The following TOGARAM2 variants were observed in gnomAD, a reference collection of about 807,000 sequenced individuals.
TOGARAM2 encodes TOG array regulator of axonemal microtubules 2.
A neutral mutation model predicts 93.3 loss-of-function variants in TOGARAM2; 85 were observed. That is an observed-to-expected ratio of 0.91 (90% CI 0.76 to 1.09). TOGARAM2 has a LOEUF of 1.09. Among genes scored for constraint, TOGARAM2 ranks in the 50% least tolerant of loss-of-function variants. TOGARAM2 has a pLI of 0.00. For synonymous variants in TOGARAM2, 593 were observed against 552.8 expected, an observed-to-expected ratio of 1.07 and a Z score of -1.02; for missense variants, 1,277 against 1,334.5, an observed-to-expected ratio of 0.96 and a Z score of 0.67.
chr2:29,003,662 C>T lies in TOGARAM2; in HGVS notation c.810C>T (p.Gly270=). 1 of 1,558,278 alleles carries T rather than the reference C, an allele frequency of 6.4e-7. No individual in the cohort carries two copies. The highest frequency in any genetic ancestry group is 8.7e-7 in the Non-Finnish European group (1 of 1,155,152). Residue 270 remains glycine, a synonymous_variant, in exon 6 of 20, where the codon GGC becomes GGT. Transcript: ENST00000379558. The stretch of plus-strand genomic sequence containing the variant: ...CTCCAGGCCAGGGAGTCCTCACAGG[C>T]CTGAGGGCCCCACGCACGCGGTAAG... ...PLPPGQGVLT[G]LRAPRTRLAR...
At chr2:29,018,535 C>T (rs190643255) in intron 10 of TOGARAM2, 1 of 151,542 alleles carries the variant, frequency 6.6e-6, no homozygotes, top group East Asian at 1.9e-4. Context: ...GATTTTGCTA[C>T]TGAAAAAAAC....
At chr2:29,022,971 C>T (rs1665058973) in intron 11 of TOGARAM2, 115 bp from the exon 12 acceptor site, 1 of 834,632 alleles carries the variant, frequency 1.2e-6, no homozygotes. Flanking sequence ...GAATGGCACC[C>T]TGCTGCGGGT....
rs554105622 is a variant in TOGARAM2, at chr2:28,958,841, A to G, written c.-147+2144A>G. Among the ~76,000 whole-genome samples the G allele has an allele frequency of 2.0e-5, 3 of 152,288 alleles. 1 individual carries two copies. The highest frequency in any genetic ancestry group is 4.1e-4 in the South Asian group (2 of 4,826). The stretch of plus-strand genomic sequence containing the variant: ...CTTTGTGCAAATTTCTTTTTATCCC[A>G]GCCTTCTGGGAGAGCAGTTGGTTCT... On this transcript the variant is annotated intron_variant, in intron 1 of 6. Transcript: ENST00000401723.
chr2:29,027,051 C>A, intron 14 of TOGARAM2, 40 bp downstream of exon 14: 3 of 1,515,292 alleles, frequency 2.0e-6, no homozygotes, highest in Non-Finnish European at 2.7e-6. Context: ...AGAAGGCAAC[C>A]AACCAGCCAG....
At position 28,970,062 on chromosome 2, in the gene TOGARAM2, TG is replaced by T. The variant is rs1374828672; in HGVS notation, c.-147+13367del. ...TCTTGACCTCGTGATCCGCCCGCCT[TG>T]GCCTCCCAAAGTGCTAGGATTACAG... On this transcript the variant is annotated intron_variant, in intron 1 of 6. Coordinates refer to the TOGARAM2 transcript ENST00000401723. 2.0e-5 allele frequency among the ~76,000 whole-genome samples: 3 copies of T among 152,156 alleles called. No individual in the cohort carries two copies. In the South Asian group the frequency reaches 6.2e-4, roughly 32 times the overall value.
chr2:28,991,000 GT>G (rs1672702664), intron 1 of TOGARAM2, among the ~76,000 whole-genome samples: 2 of 81,740 alleles, frequency 2.4e-5, no homozygotes, highest in Non-Finnish European at 6.5e-5. Flanking sequence ...GGGTGTGTGT[GT>G]GTGTGTGTGT....
At chr2:29,047,240 T>A (rs1297645198) in intron 19 of TOGARAM2, 1 of 152,370 alleles carries the variant, frequency 6.6e-6, no homozygotes, top group Admixed American at 6.5e-5. Context: ...GGTATGTAAG[T>A]AAGATGGTCC....
At chr2:28,977,274 T>C (rs1672051605), upstream of TOGARAM2, among the ~76,000 whole-genome samples, 1 of 152,178 alleles carries the variant, frequency 6.6e-6, no homozygotes, top group African/African-American at 2.4e-5. Context: ...TAACCATCTT[T>C]AGCCTGGGGG....
At chr2:29,045,735 T>G (rs1666705867) in intron 19 of TOGARAM2, 1 of 340,906 alleles carries the variant, frequency 2.9e-6, no homozygotes. Flanking sequence ...TAAAAGAAAA[T>G]GTACATTGGG....
chr2:28,965,870 T>C (rs1207920969), intron 1 of TOGARAM2, among the ~76,000 whole-genome samples: 4 of 152,200 alleles, frequency 2.6e-5, no homozygotes, highest in African/African-American at 9.7e-5. Flanking sequence ...CCTTGCTTCC[T>C]CTGTTACCCT....
rs1665694434 is a variant in TOGARAM2, at chr2:29,030,393, A to G, written c.2013-2541A>G. On this transcript the variant is annotated intron_variant, in intron 14 of 19. Coordinates refer to ENST00000379558, the MANE Select transcript of TOGARAM2 (RefSeq NM_199280.4). Reference sequence around the variant, plus strand: ...TGGGATGAAATGTCTATAAACAGCTATTCTTTGTGTAGCATCTACTAGAGC... The same window carrying G: ...TGGGATGAAATGTCTATAAACAGCTGTTCTTTGTGTAGCATCTACTAGAGC... Among the ~76,000 whole-genome samples the G allele has an allele frequency of 2.0e-5, 3 of 152,246 alleles. No individual in the cohort carries two copies. The South Asian group carries it at 6.2e-4, about 32-fold the overall frequency.
chr2:28,988,867 T>G (rs192293165), intron 1 of TOGARAM2, among the ~76,000 whole-genome samples: 19 of 152,282 alleles, frequency 1.2e-4, no homozygotes, highest in Admixed American at 1.2e-3. Context: ...CACATCCAAT[T>G]GGCTGAGCTG....
At chr2:29,036,442 G>T (rs1666113343) in intron 17 of TOGARAM2, 99 bp from the exon 18 acceptor site, 1 of 1,058,422 alleles carries the variant, frequency 9.4e-7, no homozygotes, top group Non-Finnish European at 1.4e-6. Flanking sequence ...CTCTGCTGAG[G>T]TCGCTCAGTT....
chr2:28,962,391 G>T (rs1671813812), intron 1 of TOGARAM2, among the ~76,000 whole-genome samples: 1 of 152,034 alleles, frequency 6.6e-6, no homozygotes, highest in African/African-American at 2.4e-5. Flanking sequence ...GGCGAGGCTG[G>T]TCTCAAACTC....
chr2:29,014,330 C>A, intron 7 of TOGARAM2, 65 bp from the exon 8 acceptor site: 1 of 1,552,046 alleles, frequency 6.4e-7, no homozygotes, highest in East Asian at 2.4e-5. Flanking sequence ...GAGCCAGCCA[C>A]AGGGTCAGTG....
chr2:29,010,506 C>A (rs1664176434), intron 6 of TOGARAM2, among the ~76,000 whole-genome samples: 4 of 152,074 alleles, frequency 2.6e-5, no homozygotes, highest in Admixed American at 2.6e-4. Flanking sequence ...TCAGGGTTCC[C>A]CTGCATCCAG....
At chr2:28,987,295 A>T (rs998718489) in intron 1 of TOGARAM2, among the ~76,000 whole-genome samples, 3 of 152,118 alleles carry the variant, frequency 2.0e-5, no homozygotes, top group Non-Finnish European at 4.4e-5. Flanking sequence ...GATGTGCTTT[A>T]GTGTTTTTTT....
At chr2:29,011,121 T>A (rs1179630218) in intron 6 of TOGARAM2, among the ~76,000 whole-genome samples, 3 of 152,202 alleles carry the variant, frequency 2.0e-5, no homozygotes, top group Non-Finnish European at 4.4e-5. Context: ...TGCTGTCAAC[T>A]CCACAGGCCC....
At chr2:29,026,718 A>T (rs1665395358) in intron 13 of TOGARAM2, 135 bp from the exon 14 acceptor site, 1 of 937,738 alleles carries the variant, frequency 1.1e-6, no homozygotes, top group Non-Finnish European at 1.5e-6. Context: ...CCCTCAGCTC[A>T]CATGGGGACA....
Sources: gnomAD v4.1 joint callset for allele counts (sites outside exome capture counted in the v4.1 genomes callset) on GRCh38, gnomAD v4.1.1 for gene constraint, MANE v1.5 for transcripts, NCBI Gene and HGNC (gene_info 2026-07-23, HGNC 2026-07-21) for gene names.